ST3GAL2: variants seen among roughly 807,000 people sequenced by gnomAD.
ST3GAL2 encodes ST3 beta-galactoside alpha-2,3-sialyltransferase 2.
A neutral mutation model predicts 37.5 loss-of-function variants in ST3GAL2; 16 were observed. The observed-to-expected ratio is 0.43, with a 90% confidence interval of 0.29 to 0.65. ST3GAL2 has a LOEUF of 0.65. Among genes scored for constraint, ST3GAL2 ranks in the 30% least tolerant of loss-of-function variants. The pLI is 0.17. For missense variants in ST3GAL2, 383 were observed against 487.8 expected (o/e 0.79, Z 2.02); for synonymous variants, 238 against 202.9 (o/e 1.17, Z -1.47).
At chr16:70,408,982 C>T (rs1442193246) in intron 1 of ST3GAL2, among the ~76,000 whole-genome samples, 2 of 136,060 alleles carry the variant, frequency 1.5e-5, no homozygotes, top group Admixed American at 7.5e-5. Context: ...CCCTGAGGCA[C>T]GGGGAGAGGG....
At position 70,381,171 on chromosome 16, in the gene ST3GAL2, C is replaced by A. The variant is rs896065601; in HGVS notation, c.*518G>T. ...GGGACTGGGGGTCCCGCAGCGACCG[C>A]TTTTCTTTGGTGGGTCTGCACGCAC... On this transcript the variant is annotated 3_prime_UTR_variant, in exon 7 of 7. Transcript: ENST00000342907. 4 of 152,472 alleles carry A rather than the reference C, an allele frequency of 2.6e-5. No homozygotes were observed. Among genetic ancestry groups the A allele is most frequent in the African/African-American group, 9.6e-5 (4 of 41,464 alleles). 9.4% of individuals were successfully genotyped at this position (152,472 alleles called of 1,614,324 possible). A position where few individuals can be genotyped will look rare whatever the true frequency, so the allele number is the denominator to read the frequency against.
chr16:70,430,533 G>C (rs2047782276), intron 1 of ST3GAL2, among the ~76,000 whole-genome samples: 1 of 152,132 alleles, frequency 6.6e-6, no homozygotes, highest in African/African-American at 2.4e-5. Context: ...CCCCCTTCAC[G>C]AGGGGAGCCT....
intron 1 of ST3GAL2, among the ~76,000 whole-genome samples, chr16:70,435,812 A>G (rs1037995470): frequency 1.3e-5 from 2 of 150,368 alleles, no homozygotes; most frequent in African/African-American, 4.9e-5. Flanking sequence ...AATAAAATAA[A>G]ATAAAATAAA....
Position 70,420,720 on chromosome 16 carries a change from C to A in ST3GAL2, c.-1004+18229G>T, listed in dbSNP as rs964247210. Among the ~76,000 whole-genome samples the A allele has an allele frequency of 9.2e-5, 14 of 152,328 alleles. 1 individual carries two copies. Among genetic ancestry groups the A allele is most frequent in the Admixed American group, 2.0e-4 (3 of 15,290 alleles). On this transcript the variant is annotated intron_variant, in intron 1 of 6. Coordinates refer to ENST00000342907, the MANE Select transcript of ST3GAL2 (RefSeq NM_006927.4). Reference sequence around the variant, plus strand: ...GCCCTATCTTTAGCTTTCTTTTGTTCTCCTTTTATATTTAGTAATGTCTTT... The same window carrying A: ...GCCCTATCTTTAGCTTTCTTTTGTTATCCTTTTATATTTAGTAATGTCTTT...
At chr16:70,418,153 G>A (rs1319769330) in intron 1 of ST3GAL2, among the ~76,000 whole-genome samples, 1 of 152,206 alleles carries the variant, frequency 6.6e-6, no homozygotes, top group African/African-American at 2.4e-5. Flanking sequence ...CACAGTTATT[G>A]ATCGACACCA....
intron 1 of ST3GAL2, among the ~76,000 whole-genome samples, chr16:70,430,514 C>T (rs981248111): frequency 2.0e-5 from 3 of 152,210 alleles, no homozygotes; most frequent in East Asian, 3.9e-4. Flanking sequence ...AAGGAAGTAC[C>T]AGTGTTGGCC....
Position 70,377,838 on chromosome 16 carries a change from T to A in ST3GAL2, c.*3851A>T, listed in dbSNP as rs188929303. 1.3e-5 allele frequency: 2 copies of A among 151,346 alleles called. No individual in the cohort carries two copies. The highest frequency in any genetic ancestry group is 3.0e-5 in the Non-Finnish European group (2 of 67,784). The allele number at this position is 151,346 out of a possible 1,614,324, so 9.4% of individuals were successfully genotyped here. A position where few individuals can be genotyped will look rare whatever the true frequency, so the allele number is the denominator to read the frequency against. On this transcript the variant is annotated 3_prime_UTR_variant, in exon 7 of 7. Coordinates refer to ENST00000342907, the MANE Select transcript of ST3GAL2 (RefSeq NM_006927.4). ...ACTCCATCTCAAAAATAAAAAAATA[T>A]AAGCAACCAGGAGTGAAACACACCT...
chr16:70,438,835 G>A (rs1407716505), intron 1 of ST3GAL2, 114 bp downstream of exon 1: 1 of 152,124 alleles, frequency 6.6e-6, no homozygotes, highest in Non-Finnish European at 1.5e-5. Context: ...TTGCCGGGCT[G>A]GAACGGGCCG....
intron 1 of ST3GAL2, among the ~76,000 whole-genome samples, chr16:70,437,362 G>T (rs1266851614): frequency 1.3e-5 from 2 of 152,162 alleles, no homozygotes; most frequent in Non-Finnish European, 2.9e-5. Flanking sequence ...TGCTGAAGCA[G>T]TGAACCATCT....
intron 1 of ST3GAL2, chr16:70,422,881 C>T (rs962476233): frequency 1.3e-5 from 2 of 152,356 alleles, no homozygotes; most frequent in East Asian, 3.9e-4. Context: ...ATACCTGTCC[C>T]CTCACAAACT....
At chr16:70,404,241 A>C (rs760027280) in intron 1 of ST3GAL2, among the ~76,000 whole-genome samples, 20 of 152,300 alleles carry the variant, frequency 1.3e-4, no homozygotes, top group Middle Eastern at 3.4e-3. Context: ...GCCAGGAAAG[A>C]AACAGCCAAT....
chr16:70,435,687 C>T (rs1441095520), intron 1 of ST3GAL2, among the ~76,000 whole-genome samples: 2 of 147,556 alleles, frequency 1.4e-5, no homozygotes, highest in Non-Finnish European at 3.0e-5. Context: ...CCAGCTATTC[C>T]AGAGGCTGAG....
rs1279958352 is a variant in ST3GAL2, at chr16:70,381,563, G to C, written c.*126C>G. On this transcript the variant is annotated 3_prime_UTR_variant, in exon 7 of 7. Coordinates refer to ENST00000342907, the MANE Select transcript of ST3GAL2 (RefSeq NM_006927.4). ...GGCCCGGCCGGTCCCCCAGTCTCGT[G>C]ATTGGCGGGGCACAGCAGACGCCCC... 8.3e-7 allele frequency: 1 copy of C among 1,199,786 alleles called. No individual in the cohort carries two copies. Among genetic ancestry groups the C allele is most frequent in the Non-Finnish European group, 1.1e-6 (1 of 880,384 alleles). The allele number at this position is 1,199,786 out of a possible 1,614,324, so 74.3% of individuals were successfully genotyped here.
At chr16:70,402,009 A>AAG (rs1377348497) in intron 1 of ST3GAL2, among the ~76,000 whole-genome samples, 1 of 150,092 alleles carries the variant, frequency 6.7e-6, no homozygotes, top group East Asian at 1.9e-4. Context: ...AAAAAAAAAA[A>AAG]AAAAAAAAGA....
chr16:70,408,890 CAAAAAAAAAAAAAAAAAAAAAAA>C (rs59060353), intron 1 of ST3GAL2, among the ~76,000 whole-genome samples: 4,292 of 60,096 alleles, frequency 0.071, 258 homozygotes, highest in African/African-American at 0.2. Context: ...CTCAAAGAAA[CAAAAAAAAAAAAAAAAAAAAAAA>C]AAAAAAAAAA....
At chr16:70,408,488 CCTGT>C (rs978171590) in intron 1 of ST3GAL2, among the ~76,000 whole-genome samples, 4 of 152,052 alleles carry the variant, frequency 2.6e-5, no homozygotes, top group Admixed American at 1.3e-4. Flanking sequence ...CTGTCCTTGA[CCTGT>C]CTGAGAATGG....
intron 1 of ST3GAL2, among the ~76,000 whole-genome samples, chr16:70,430,425 G>A (rs748279708): frequency 9.2e-5 from 14 of 152,218 alleles, no homozygotes; most frequent in African/African-American, 2.4e-5. Flanking sequence ...TCATCAAACA[G>A]CCACCACTGT....
At position 70,380,070 on chromosome 16, in the gene ST3GAL2, G is replaced by A. The variant is rs568006849; in HGVS notation, c.*1619C>T. On this transcript the variant is annotated 3_prime_UTR_variant, in exon 7 of 7. Transcript: ENST00000342907. ...GGAAGCACTGAGATGGGAGTGGCAAGACTGGCTGAGGCCTAGCTCTCTAAA... is the reference window on the plus strand; with the variant it reads ...GGAAGCACTGAGATGGGAGTGGCAAAACTGGCTGAGGCCTAGCTCTCTAAA... The A allele has an allele frequency of 3.3e-5, 5 of 152,498 alleles. No individual in the cohort carries two copies. In the East Asian group the frequency reaches 9.6e-4, roughly 29 times the overall value. The allele number at this position is 152,498 out of a possible 1,614,324, so 9.4% of individuals were successfully genotyped here. A position where few individuals can be genotyped will look rare whatever the true frequency, so the allele number is the denominator to read the frequency against.
At chr16:70,409,400 A>G (rs1451575191) in intron 1 of ST3GAL2, among the ~76,000 whole-genome samples, 1 of 151,918 alleles carries the variant, frequency 6.6e-6, no homozygotes, top group Non-Finnish European at 1.5e-5. Context: ...CTGGAGTACA[A>G]TGGCGTGATC....
Sources: gnomAD v4.1 joint callset for allele counts (sites outside exome capture counted in the v4.1 genomes callset) on GRCh38, gnomAD v4.1.1 for gene constraint, MANE v1.5 for transcripts, NCBI Gene and HGNC (gene_info 2026-07-23, HGNC 2026-07-21) for gene names.